The following CPS1 variants were observed in gnomAD, a reference collection of about 807,000 sequenced individuals.
CPS1 encodes carbamoyl-phosphate synthase [ammonia], mitochondrial.
A neutral mutation model predicts 174.6 loss-of-function variants in CPS1; 109 were observed. That is an observed-to-expected ratio of 0.62 (90% CI 0.53 to 0.73). CPS1 has a LOEUF of 0.73. Among genes scored for constraint, CPS1 ranks in the 30% least tolerant of loss-of-function variants. The pLI, the probability that CPS1 is intolerant of heterozygous loss-of-function variation, is 0.00. For synonymous variants in CPS1, 637 were observed against 632.0 expected (o/e 1.01, Z -0.12); for missense variants, 1,689 against 1,821.9 (o/e 0.93, Z 1.33).
chr2:210,634,121 A>G (rs1168519012), intron 21 of CPS1, among the ~76,000 whole-genome samples: 1 of 152,154 alleles, frequency 6.6e-6, no homozygotes, highest in African/African-American at 2.4e-5. Flanking sequence ...TTCTAAAACA[A>G]ATAACAACAA....
intron 1 of CPS1, among the ~76,000 whole-genome samples, chr2:210,498,439 C>T (rs770096352): frequency 2.0e-5 from 3 of 151,770 alleles, no homozygotes; most frequent in African/African-American, 7.3e-5. Flanking sequence ...GGATTGCATT[C>T]TTGATTTGGT....
At position 210,559,409 on chromosome 2, in the gene CPS1, T is replaced by C. The variant is rs115547862; in HGVS notation, c.126+2550T>C. ...TTTGACGACAGCAATGACGCACTTATAATTTTATGTGGCCCTTCCCTGGGT... is the reference window on the plus strand; with the variant it reads ...TTTGACGACAGCAATGACGCACTTACAATTTTATGTGGCCCTTCCCTGGGT... On this transcript the variant is annotated intron_variant, in intron 1 of 37. Coordinates refer to ENST00000233072, the MANE Select transcript of CPS1 (RefSeq NM_001875.5). Among the ~76,000 whole-genome samples, 433 of 152,228 alleles carry C rather than the reference T, an allele frequency of 2.8e-3. 5 individuals carry two copies. The highest frequency in any genetic ancestry group is 9.6e-3 in the African/African-American group (397 of 41,546).
chr2:210,539,992 G>A (rs927686586), intron 1 of CPS1, among the ~76,000 whole-genome samples: 2 of 152,124 alleles, frequency 1.3e-5, no homozygotes, highest in Non-Finnish European at 2.9e-5. Context: ...GAGTGGTCCT[G>A]GATCAGGGGT....
chr2:210,499,484 C>T (rs1323620362), intron 1 of CPS1, among the ~76,000 whole-genome samples: 3 of 152,142 alleles, frequency 2.0e-5, no homozygotes, highest in Non-Finnish European at 2.9e-5. Flanking sequence ...GACCTCTACA[C>T]CACTCCAGAG....
intron 2 of CPS1, 62 bp from the exon 3 acceptor site, chr2:210,576,283 GC>G (rs1164382699): frequency 9.8e-6 from 15 of 1,534,492 alleles, no homozygotes; most frequent in Non-Finnish European, 1.4e-5. Flanking sequence ...GAGCATGTAT[GC>G]AGATTATAGC....
In CPS1 at chr2:210,639,310, G is replaced by A. The variant is rs959585176; in HGVS notation, c.2895+95G>A. On this transcript the variant is annotated intron_variant, in intron 23 of 37. Coordinates refer to ENST00000233072, the MANE Select transcript of CPS1 (RefSeq NM_001875.5). ...TATTTTTTACCTCTTTGGATATCTA[G>A]GTAATAAAAAAAGGCATCATGGCCG... is the stretch of plus-strand genomic sequence containing the variant. 14 of 1,056,596 alleles carry A rather than the reference G, an allele frequency of 1.3e-5. No homozygotes were observed. In the South Asian group the frequency reaches 1.5e-4, roughly 11 times the overall value. 65.5% of individuals were successfully genotyped at this position (1,056,596 alleles called of 1,614,324 possible). A position where few individuals can be genotyped will look rare whatever the true frequency, so the allele number is the denominator to read the frequency against.
At chr2:210,645,210 A>G (rs1177473985) in intron 25 of CPS1, among the ~76,000 whole-genome samples, 2 of 152,158 alleles carry the variant, frequency 1.3e-5, no homozygotes, top group African/African-American at 4.8e-5. Context: ...GCACGACACC[A>G]TCACACTGTT....
Position 210,582,668 on chromosome 2 carries a change from G to A in CPS1, c.580G>A (p.Asp194Asn). ...TGAAGGTCAGCCTGTGGATTTTGTG[G>A]ATCCAAATAAACAGAATTTGATTGC... The part of the protein sequence containing the change: ...EFEGQPVDFV[D>N]PNKQNLIAEV... Residue 194 changes from aspartate (D) to asparagine (N), a missense_variant, in exon 6 of 38, where the codon GAT becomes AAT. Asp to Asn is a conservative substitution (Grantham distance 23, BLOSUM62 1). Transcript: ENST00000233072. 2 of 1,613,356 alleles carry A rather than the reference G, an allele frequency of 1.2e-6. No individual in the cohort carries two copies. Among genetic ancestry groups the A allele is most frequent in the Non-Finnish European group, 1.7e-6 (2 of 1,179,506 alleles).
chr2:210,482,464 G>A (rs1694597397), intron 1 of CPS1, among the ~76,000 whole-genome samples: 1 of 151,886 alleles, frequency 6.6e-6, no homozygotes, highest in South Asian at 2.1e-4. Context: ...CACCACGCCT[G>A]GCTAATTTTT....
intron 34 of CPS1, among the ~76,000 whole-genome samples, chr2:210,669,267 A>T (rs1049079622): frequency 6.6e-6 from 1 of 152,164 alleles, no homozygotes; most frequent in Non-Finnish European, 1.5e-5. Flanking sequence ...ACTAATTGCA[A>T]GAGTGTACAA....
chr2:210,669,472 A>T (rs756604313), intron 34 of CPS1, among the ~76,000 whole-genome samples: 15 of 152,182 alleles, frequency 9.9e-5, no homozygotes, highest in Non-Finnish European at 1.5e-4. Flanking sequence ...TTAGAACAGT[A>T]CCAGGTATTC....
At position 210,648,460 on chromosome 2, in the gene CPS1, T is replaced by G; in HGVS notation, c.3337-13T>G. 1 of 1,605,388 alleles carries G rather than the reference T, an allele frequency of 6.2e-7. No homozygotes were observed. Among genetic ancestry groups the G allele is most frequent in the Non-Finnish European group, 8.5e-7 (1 of 1,172,608 alleles). On this transcript the variant is annotated splice_polypyrimidine_tract_variant and intron_variant, in intron 26 of 37. Transcript: ENST00000233072. ...ACTACTCATACATTTTTATTGTTGT[T>G]TCTATTAATTAGAATGAAGCACTGG...
At chr2:210,665,648 C>T (rs1701071376) in intron 33 of CPS1, among the ~76,000 whole-genome samples, 3 of 151,844 alleles carry the variant, frequency 2.0e-5, no homozygotes, top group Non-Finnish European at 2.9e-5. Context: ...CTACAAAGGA[C>T]ATGAACTCAT....
chr2:210,628,183 C>A (rs1171824067), intron 21 of CPS1, among the ~76,000 whole-genome samples: 1 of 152,190 alleles, frequency 6.6e-6, no homozygotes, highest in Admixed American at 6.5e-5. Context: ...CTTCTACCCA[C>A]TCTTCAGCTG....
intron 1 of CPS1, among the ~76,000 whole-genome samples, chr2:210,569,053 A>C (rs1697394548): frequency 6.6e-6 from 1 of 152,074 alleles, no homozygotes; most frequent in African/African-American, 2.4e-5. Context: ...TATCTGACTA[A>C]AGTAATTTCA....
chr2:210,485,713 G>A (rs1318584160), intron 1 of CPS1, among the ~76,000 whole-genome samples: 2 of 151,962 alleles, frequency 1.3e-5, no homozygotes, highest in African/African-American at 2.4e-5. Flanking sequence ...CCAGCCATTG[G>A]CTATTACAAA....
chr2:210,617,468 G>A (rs1326717371), intron 21 of CPS1: 1 of 151,992 alleles, frequency 6.6e-6, no homozygotes, highest in East Asian at 1.9e-4. Context: ...ATATCTTTGA[G>A]GACAGTGGAA....
At chr2:210,519,703 C>A in intron 1 of CPS1, 3 of 979,842 alleles carry the variant, frequency 3.1e-6, no homozygotes, top group Non-Finnish European at 3.6e-6. Flanking sequence ...GTCAGACAAA[C>A]CCAATTGAAA....
chr2:210,649,873 T>A (rs1700507562), intron 27 of CPS1, among the ~76,000 whole-genome samples: 1 of 152,158 alleles, frequency 6.6e-6, no homozygotes. Context: ...TATTAGCAAA[T>A]ATTACTTTAA....
Sources: allele counts gnomAD v4.1 joint callset (sites outside exome capture counted in the v4.1 genomes callset), GRCh38; gene constraint gnomAD v4.1.1; transcripts MANE v1.5; gene names NCBI Gene and HGNC (gene_info 2026-07-23, HGNC 2026-07-21).